CEP89: variants seen among roughly 807,000 people sequenced by gnomAD.
CEP89 encodes the protein centrosomal protein of 89 kDa.
Under a neutral mutation model 97.6 loss-of-function variants are expected in CEP89, and 95 were observed. That is an observed-to-expected ratio of 0.97 (90% confidence interval 0.82 to 1.15). The LOEUF (loss-of-function observed/expected upper bound fraction) is 1.15, where lower values mean the gene tolerates loss of function less well. CEP89 is among the 50% of genes most tolerant of loss of function. CEP89 has a pLI of 0.00. For missense variants in CEP89, 869 were observed against 947.7 expected, an observed-to-expected ratio of 0.92 and a Z score of 1.09; for synonymous variants, 354 against 349.1, an observed-to-expected ratio of 1.01 and a Z score of -0.16.
chr19:32,888,286 A>T (rs559814262), intron 16 of CEP89, among the ~76,000 whole-genome samples: 1 of 152,372 alleles, frequency 6.6e-6, no homozygotes, highest in South Asian at 2.1e-4. Context: ...ATGAAAGGCA[A>T]TACATCCAGC....
chr19:32,914,505 CA>C (rs1970078288), intron 14 of CEP89, among the ~76,000 whole-genome samples: 1 of 151,928 alleles, frequency 6.6e-6, no homozygotes, highest in East Asian at 2.0e-4. Flanking sequence ...TTTCCAGGTT[CA>C]AGTGACCTGC....
chr19:32,948,375 G>T lies in CEP89; in HGVS notation c.493-7C>A, dbSNP rs199978332. On this transcript the variant is annotated splice_region_variant and splice_polypyrimidine_tract_variant and intron_variant, in intron 4 of 18. Transcript: ENST00000305768. ...CCTCATGTAACAATGGCACCTTTTTGTTATAAAAGACAAAGGAGCAAAAAA... is the reference window on the plus strand; with the variant it reads ...CCTCATGTAACAATGGCACCTTTTTTTTATAAAAGACAAAGGAGCAAAAAA... The T allele has an allele frequency of 3.8e-6, 6 of 1,579,838 alleles. No individual in the cohort carries two copies. The highest frequency in any genetic ancestry group is 5.2e-6 in the Non-Finnish European group (6 of 1,158,490).
chr19:32,944,219 G>GAAAAAAAAAA (rs1222585322), intron 5 of CEP89, among the ~76,000 whole-genome samples: 1 of 15,822 alleles, frequency 6.3e-5, no homozygotes, highest in African/African-American at 6.4e-4. Flanking sequence ...GTGAGACCCT[G>GAAAAAAAAAA]TAAAAAAAAA....
intron 12 of CEP89, among the ~76,000 whole-genome samples, chr19:32,918,877 TC>T (rs377555734): frequency 1.1e-5 from 1 of 92,236 alleles, no homozygotes; most frequent in African/African-American, 4.7e-5. Flanking sequence ...TTTTTCTTTT[TC>T]TTTTTCTTTT....
rs112683198 is a variant in CEP89 at position 32,878,000 on chromosome 19, G to A, written c.*1162C>T. Reference sequence around the variant, plus strand: ...TCACCATGTTGGCCAGGCTGGTCTCGAACTCCTGGCCTCGGGTGATCCGCC... The same window carrying A: ...TCACCATGTTGGCCAGGCTGGTCTCAAACTCCTGGCCTCGGGTGATCCGCC... On this transcript the variant is annotated 3_prime_UTR_variant, in exon 19 of 19. Transcript: ENST00000305768. The A allele has an allele frequency of 0.21, 32,041 of 151,922 alleles. 3,559 individuals are homozygous for A. The highest frequency in any genetic ancestry group is 0.33 in the Admixed American group (4,979 of 15,262). 9.4% of individuals were successfully genotyped at this position (151,922 alleles called of 1,614,324 possible).
At chr19:32,924,482 C>T (rs186841207) in intron 11 of CEP89, among the ~76,000 whole-genome samples, 2 of 152,334 alleles carry the variant, frequency 1.3e-5, no homozygotes, top group Non-Finnish European at 2.9e-5. Context: ...CCTCCTCCAT[C>T]AGGGCTTTTC....
chr19:32,905,253 T>G (rs1230751579), intron 14 of CEP89, among the ~76,000 whole-genome samples: 1 of 152,178 alleles, frequency 6.6e-6, no homozygotes, highest in Non-Finnish European at 1.5e-5. Context: ...CTTTAGAATG[T>G]TAGAATTTAA....
chr19:32,906,764 CATATA>C (rs1432247951), intron 14 of CEP89, among the ~76,000 whole-genome samples: 3 of 149,424 alleles, frequency 2.0e-5, no homozygotes, highest in East Asian at 1.9e-4. Flanking sequence ...TATATACATA[CATATA>C]ATATATATAT....
chr19:32,948,417 T>C, intron 4 of CEP89, 49 bp from the exon 5 acceptor site: 1 of 1,152,580 alleles, frequency 8.7e-7, no homozygotes, highest in Admixed American at 2.1e-5. Flanking sequence ...AAGGTAACCT[T>C]TATATACAGC....
intron 5 of CEP89, among the ~76,000 whole-genome samples, chr19:32,946,015 A>G (rs1490479812): frequency 1.3e-5 from 2 of 152,226 alleles, no homozygotes; most frequent in Middle Eastern, 3.2e-3. Flanking sequence ...CATCAGCCCT[A>G]GGAGCAGTGG....
At chr19:32,927,083 T>C (rs548533701) in intron 9 of CEP89, 99 bp from the exon 10 acceptor site, 3 of 1,064,426 alleles carry the variant, frequency 2.8e-6, no homozygotes, top group Non-Finnish European at 4.3e-6. Context: ...TGCCCATCTA[T>C]GCATTTATCT....
At chr19:32,923,578 T>C (rs756559268) in intron 11 of CEP89, 36 bp from the exon 12 acceptor site, 1 of 1,219,906 alleles carries the variant, frequency 8.2e-7, no homozygotes, top group Non-Finnish European at 1.2e-6. Context: ...AACACACACA[T>C]ACCCACGCAT....
chr19:32,904,978 C>A (rs1390656060), intron 14 of CEP89, among the ~76,000 whole-genome samples: 1 of 152,080 alleles, frequency 6.6e-6, no homozygotes, highest in Non-Finnish European at 1.5e-5. Flanking sequence ...TTGCTAAAAC[C>A]TCTTATTTTT....
At chr19:32,894,467 C>A (rs73926183) in intron 16 of CEP89, among the ~76,000 whole-genome samples, 12,367 of 152,166 alleles carry the variant, frequency 0.081, 1,569 homozygotes, top group African/African-American at 0.27. Flanking sequence ...CAATCTCCAG[C>A]CAATCAACAC....
At chr19:32,891,620 T>C (rs1969518852) in intron 16 of CEP89, among the ~76,000 whole-genome samples, 2 of 150,860 alleles carry the variant, frequency 1.3e-5, no homozygotes, top group African/African-American at 4.9e-5. Context: ...TATAAAGAAA[T>C]CAGAAAAACA....
chr19:32,890,301 G>A (rs1237371379), intron 16 of CEP89, among the ~76,000 whole-genome samples: 1 of 152,168 alleles, frequency 6.6e-6, no homozygotes, highest in East Asian at 1.9e-4. Flanking sequence ...TCAGGAGGCT[G>A]AGGCAGGAGA....
intron 1 of CEP89, among the ~76,000 whole-genome samples, chr19:32,966,985 C>T (rs1971297718): frequency 6.6e-6 from 1 of 152,090 alleles, no homozygotes; most frequent in Non-Finnish European, 1.5e-5. Flanking sequence ...ACCACCATGC[C>T]TAGGTAATTT....
intron 9 of CEP89, among the ~76,000 whole-genome samples, chr19:32,930,247 C>CA (rs1257219431): frequency 3.4e-4 from 52 of 151,996 alleles, no homozygotes; most frequent in Admixed American, 3.1e-3. Context: ...AGGCTGGTCT[C>CA]AAACGCCTGA....
intron 16 of CEP89, among the ~76,000 whole-genome samples, chr19:32,892,202 C>CATATATATATAT (rs71336973): frequency 1.1e-4 from 13 of 115,028 alleles, no homozygotes; most frequent in East Asian, 3.6e-4. Context: ...TATATTTAGA[C>CATATATATATAT]ATATATATAT....
Sources: gnomAD v4.1 joint callset for allele counts (sites outside exome capture counted in the v4.1 genomes callset) on GRCh38, gnomAD v4.1.1 for gene constraint, MANE v1.5 for transcripts, NCBI Gene and HGNC (gene_info 2026-07-23, HGNC 2026-07-21) for gene names.